The following BOP1 variants were observed in gnomAD, a reference collection of about 807,000 sequenced individuals.
BOP1 encodes BOP1 ribosomal biogenesis factor, also known as ribosome biogenesis protein BOP1.
BOP1 carries 54 observed loss-of-function variants against 82.9 expected under a neutral mutation model. That is an observed-to-expected ratio of 0.65 (90% CI 0.52 to 0.82). BOP1 has a LOEUF of 0.82. Ranked by LOEUF, BOP1 falls within the 40% of genes least tolerant of loss-of-function variation. BOP1 has a pLI of 0.00. For missense variants in BOP1, 1,170 were observed against 1,072.0 expected, an observed-to-expected ratio of 1.09 and a Z score of -1.28; for synonymous variants, 566 against 451.1, an observed-to-expected ratio of 1.25 and a Z score of -3.23.
intron 3 of BOP1, among the ~76,000 whole-genome samples, chr8:144,274,266 G>A (rs1042205505): frequency 2.0e-5 from 3 of 152,192 alleles, no homozygotes; most frequent in Non-Finnish European, 2.9e-5. Context: ...CAGTGAGGTC[G>A]GCCCTCTCTC....
intron 3 of BOP1, chr8:144,268,625 G>A (rs890290750): frequency 9.8e-6 from 2 of 203,234 alleles, no homozygotes; most frequent in Admixed American, 5.3e-5. Context: ...CAGGCTCAGG[G>A]CCACCCCTCC....
At chr8:144,268,362 C>A in intron 3 of BOP1, 1 of 610,212 alleles carries the variant, frequency 1.6e-6, no homozygotes, top group Non-Finnish European at 2.9e-6. Context: ...CCCGGGCCCA[C>A]TGGAACTTTC....
intron 1 of BOP1, among the ~76,000 whole-genome samples, chr8:144,289,639 A>G (rs1254114396): frequency 6.6e-6 from 1 of 152,072 alleles, no homozygotes; most frequent in Non-Finnish European, 1.5e-5. Flanking sequence ...CCACCCACTG[A>G]CACTCCGGAG....
chr8:144,270,802 G>T (rs1410006137), intron 3 of BOP1, among the ~76,000 whole-genome samples: 1 of 152,066 alleles, frequency 6.6e-6, no homozygotes, highest in Admixed American at 6.5e-5. Context: ...AGAGACCCAG[G>T]GCTCCCTCCG....
Position 144,262,837 on chromosome 8 carries a change from C to G in BOP1, c.1894+16G>C. The G allele has an allele frequency of 6.2e-6, 5 of 809,306 alleles. No homozygotes were observed. Among genetic ancestry groups the G allele is most frequent in the East Asian group, 4.1e-5 (1 of 24,230 alleles). 50.1% of individuals were successfully genotyped at this position (809,306 alleles called of 1,614,324 possible). A position where few individuals can be genotyped will look rare whatever the true frequency, so the allele number is the denominator to read the frequency against. The stretch of plus-strand genomic sequence containing the variant: ...CCCACCCCTCACCTGCAGGGTGCAC[C>G]GCCCCCACCCCTCACCTGCAGGGTG... On this transcript the variant is annotated intron_variant, in intron 13 of 15. Transcript: ENST00000569669.
In BOP1 at chr8:144,266,599, GC is replaced by G. The variant is rs1845372143; in HGVS notation, c.391-1529del. ...CAGCGCGCGACAGAGCTGACGCCGC[GC>G]CCCCGCCGGCCCCATGTCCTTCGCC... On this transcript the variant is annotated intron_variant, in intron 3 of 15. Coordinates refer to ENST00000569669, the MANE Select transcript of BOP1 (RefSeq NM_015201.5). The G allele has an allele frequency of 9.9e-6, 11 of 1,111,174 alleles. No homozygotes were observed. In the East Asian group the frequency reaches 3.1e-4, roughly 31 times the overall value. 68.8% of individuals were successfully genotyped at this position (1,111,174 alleles called of 1,614,324 possible).
chr8:144,282,445 T>C (rs943078041), intron 2 of BOP1, among the ~76,000 whole-genome samples: 1 of 151,774 alleles, frequency 6.6e-6, no homozygotes, highest in Admixed American at 6.6e-5. Context: ...GGAGATGGGG[T>C]GGGCCCTGGG....
chr8:144,264,754 T>C lies in BOP1; in HGVS notation c.623A>G (p.Gln208Arg), dbSNP rs1199415401. 6.3e-6 allele frequency: 10 copies of C among 1,595,426 alleles called. No individual in the cohort carries two copies. Among genetic ancestry groups the C allele is most frequent in the South Asian group, 4.5e-5 (4 of 88,878 alleles). ...DEQVALVRRLQSGQFGDVGFN... is the reference protein window; with the variant it reads ...DEQVALVRRLRSGQFGDVGFN... ...GCCCACATCCCCAAACTGGCCACTCTGCAGCCGCCGCACCAGGGCCACCTG... is the reference window on the plus strand; with the variant it reads ...GCCCACATCCCCAAACTGGCCACTCCGCAGCCGCCGCACCAGGGCCACCTG... Residue 208 changes from glutamine (Q) to arginine (R), a missense_variant, in exon 5 of 16, where the codon CAG (glutamine) becomes CGG (arginine). Coordinates refer to ENST00000569669, the MANE Select transcript of BOP1 (RefSeq NM_015201.5).
intron 2 of BOP1, among the ~76,000 whole-genome samples, chr8:144,283,201 C>CAAAAAAAAAA (rs60868806): frequency 3.5e-3 from 188 of 54,300 alleles, no homozygotes; most frequent in East Asian, 7.3e-3. Context: ...AACTCCATCT[C>CAAAAAAAAAA]AAAAAAAAAA....
chr8:144,267,226 C>G, intron 3 of BOP1: 1 of 1,478,374 alleles, frequency 6.8e-7, no homozygotes, highest in East Asian at 2.7e-5. Context: ...CAACGCGCCC[C>G]TCAGCCCACA....
intron 2 of BOP1, among the ~76,000 whole-genome samples, chr8:144,281,033 A>ATACCAGGTCTTCGGCCTTCCCTCACTTTC (rs1845664992): frequency 7.6e-5 from 4 of 52,636 alleles, no homozygotes; most frequent in Non-Finnish European, 1.6e-4. Flanking sequence ...CTCTCACTTT[A>ATACCAGGTCTTCGGCCTTCCCTCACTTTC]ATACCAGGTC....
Position 144,264,750 on chromosome 8 carries a change from A to G in BOP1, c.627T>C (p.Ser209=), listed in dbSNP as rs1845317147. ...TGAAGCCCACATCCCCAAACTGGCC[A>G]CTCTGCAGCCGCCGCACCAGGGCCA... ...EQVALVRRLQ[S]GQFGDVGFNP... Residue 209 remains serine, a synonymous_variant, in exon 5 of 16, where the codon AGT becomes AGC. Coordinates refer to ENST00000569669, the MANE Select transcript of BOP1 (RefSeq NM_015201.5). The G allele has an allele frequency of 1.3e-6, 2 of 1,592,076 alleles. No individual in the cohort carries two copies. The highest frequency in any genetic ancestry group is 1.7e-6 in the Non-Finnish European group (2 of 1,170,722).
At chr8:144,273,535 A>G (rs990827848) in intron 3 of BOP1, among the ~76,000 whole-genome samples, 70 of 152,332 alleles carry the variant, frequency 4.6e-4, no homozygotes, top group African/African-American at 1.7e-3. Flanking sequence ...ACACGGCCAC[A>G]GGCAGGGGGA....
In BOP1 at chr8:144,266,368, G is replaced by A. The variant is rs970718309; in HGVS notation, c.391-1297C>T. Among the ~76,000 whole-genome samples the A allele has an allele frequency of 1.0e-3, 159 of 151,940 alleles. 1 individual carries two copies. Among genetic ancestry groups the A allele is most frequent in the Middle Eastern group, 0.01 (3 of 294 alleles). Reference sequence around the variant, plus strand: ...GAGGGACGCGGCGGGCGCTGCTCGAGGAGCCTCCGGGCTGAGAGGGGCGGG... The same window carrying A: ...GAGGGACGCGGCGGGCGCTGCTCGAAGAGCCTCCGGGCTGAGAGGGGCGGG... On this transcript the variant is annotated intron_variant, in intron 3 of 15. Coordinates refer to ENST00000569669, the MANE Select transcript of BOP1 (RefSeq NM_015201.5).
intron 3 of BOP1, chr8:144,267,323 GGCTGGGGCCTTCT>G: frequency 9.5e-7 from 1 of 1,050,474 alleles, no homozygotes; most frequent in Non-Finnish European, 1.2e-6. Flanking sequence ...GCCTGCCGGG[GGCTGGGGCCTTCT>G]CCTGGGGCTC....
chr8:144,265,128 G>C (rs1352042391), intron 3 of BOP1, 57 bp from the exon 4 acceptor site: 2 of 1,570,032 alleles, frequency 1.3e-6, no homozygotes, highest in Admixed American at 1.7e-5. Flanking sequence ...CCCCCGCTTC[G>C]GGCCGCCCAG....
intron 2 of BOP1, chr8:144,281,767 T>C (rs1481703530): frequency 6.6e-6 from 1 of 152,232 alleles, no homozygotes; most frequent in African/African-American, 2.4e-5. Flanking sequence ...GCTCAAGCAA[T>C]TCACATGAGG....
chr8:144,275,930 G>A (rs1845561930), intron 3 of BOP1, among the ~76,000 whole-genome samples: 1 of 151,822 alleles, frequency 6.6e-6, no homozygotes, highest in African/African-American at 2.4e-5. Context: ...GACGCCACAG[G>A]AGCCCCCAGA....
chr8:144,282,976 G>A (rs1054985549), intron 2 of BOP1, among the ~76,000 whole-genome samples: 2 of 151,352 alleles, frequency 1.3e-5, no homozygotes, highest in African/African-American at 2.4e-5. Context: ...ATTACCTGAG[G>A]TCAGGAGTTC....
Sources: gnomAD v4.1 joint callset for allele counts (sites outside exome capture counted in the v4.1 genomes callset) on GRCh38, gnomAD v4.1.1 for gene constraint, MANE v1.5 for transcripts, NCBI Gene and HGNC (gene_info 2026-07-23, HGNC 2026-07-21) for gene names.